Variants in GPR55 observed in about 807,000 individuals in gnomAD.
The protein encoded by GPR55 is G protein-coupled receptor 55.
A neutral mutation model predicts 7.9 loss-of-function variants in GPR55; 6 were observed. The ratio of observed to expected loss-of-function variants is 0.76; its 90% CI spans 0.41 to 1.49. GPR55 has a LOEUF of 1.49. Among genes scored for constraint, GPR55 ranks in the 40% most tolerant of loss-of-function variants. GPR55 has a pLI of 0.01. For missense variants in GPR55, 376 were observed against 406.0 expected, an observed-to-expected ratio of 0.93 and a Z score of 0.63; for synonymous variants, 183 against 166.8, an observed-to-expected ratio of 1.10 and a Z score of -0.75.
At chr2:230,913,180 G>A (rs1266821800) in intron 1 of GPR55, among the ~76,000 whole-genome samples, 1 of 152,128 alleles carries the variant, frequency 6.6e-6, no homozygotes, top group Non-Finnish European at 1.5e-5. Flanking sequence ...TAGGTTTCCA[G>A]TATTTTACCA....
chr2:230,935,583 C>T (rs1691120403), intron 1 of GPR55, among the ~76,000 whole-genome samples: 1 of 152,192 alleles, frequency 6.6e-6, no homozygotes, highest in East Asian at 1.9e-4. Context: ...ACACACAACA[C>T]ACCCAGAGAT....
Position 230,924,807 on chromosome 2 carries a change from G to A in GPR55, c.-135+361C>T, listed in dbSNP as rs1379507831. 3.3e-5 allele frequency among the ~76,000 whole-genome samples: 5 copies of A among 152,106 alleles called. No individual in the cohort carries two copies. Among genetic ancestry groups the A allele is most frequent in the Admixed American group, 6.5e-5 (1 of 15,276 alleles). On this transcript the variant is annotated intron_variant, in intron 1 of 1. Coordinates refer to ENST00000650999, the MANE Select transcript of GPR55 (RefSeq NM_005683.4). This position sits in a 1 kb window ranked among gnomAD's most constrained non-coding sequence, Gnocchi z 4.5. ...ATGGGCGGCGGGCTTGGTGGAGGGC[G>A]GTGGCACGTGAGCTACATGCCCCGG...
chr2:230,954,540 G>A (rs946903426), intron 1 of GPR55, among the ~76,000 whole-genome samples: 1 of 152,106 alleles, frequency 6.6e-6, no homozygotes, highest in African/African-American at 2.4e-5. Flanking sequence ...TTTGATATAG[G>A]CATACAATGT....
intron 1 of GPR55, among the ~76,000 whole-genome samples, chr2:230,936,866 G>A (rs1425494678): frequency 6.6e-6 from 1 of 152,172 alleles, no homozygotes; most frequent in Non-Finnish European, 1.5e-5. Context: ...TTTGGCTGGA[G>A]GCTAAGGGGA....
At chr2:230,927,763 G>A (rs1362862540), upstream of GPR55, among the ~76,000 whole-genome samples, 1 of 152,246 alleles carries the variant, frequency 6.6e-6, no homozygotes, top group Non-Finnish European at 1.5e-5. Flanking sequence ...TTATCAAAGA[G>A]CGGGTCCAGG....
chr2:230,926,006 T>G (rs1337685900), upstream of GPR55, among the ~76,000 whole-genome samples: 2 of 152,178 alleles, frequency 1.3e-5, no homozygotes, highest in African/African-American at 4.8e-5. Flanking sequence ...AAGTCTGGGC[T>G]GAAACTACCC....
chr2:230,947,891 C>T (rs112376101), intron 1 of GPR55, among the ~76,000 whole-genome samples: 3 of 152,194 alleles, frequency 2.0e-5, no homozygotes, highest in Non-Finnish European at 2.9e-5. Context: ...CCAGCTACAG[C>T]GAGGCTTCCT....
intron 1 of GPR55, among the ~76,000 whole-genome samples, chr2:230,950,776 C>G (rs1358767791): frequency 6.6e-6 from 1 of 152,094 alleles, no homozygotes; most frequent in African/African-American, 2.4e-5. Flanking sequence ...TTCTCCAGCT[C>G]TCCTTTCACC....
intron 1 of GPR55, among the ~76,000 whole-genome samples, chr2:230,942,060 T>G (rs1199533540): frequency 6.6e-6 from 1 of 152,182 alleles, no homozygotes; most frequent in Non-Finnish European, 1.5e-5. Context: ...GGGGCTATAC[T>G]GGGCCTTTTC....
chr2:230,951,074 TGTGA>T (rs1691395548), intron 1 of GPR55, among the ~76,000 whole-genome samples: 1 of 152,198 alleles, frequency 6.6e-6, no homozygotes. Flanking sequence ...CCCTGAGTTC[TGTGA>T]GTCACTCCAG....
chr2:230,935,151 A>G (rs1366128901), intron 1 of GPR55, among the ~76,000 whole-genome samples: 7 of 152,174 alleles, frequency 4.6e-5, no homozygotes, highest in Non-Finnish European at 1.5e-5. Context: ...TCGTGACCAC[A>G]TTTCCAAGAG....
chr2:230,918,761 A>G (rs1690770958), intron 1 of GPR55, among the ~76,000 whole-genome samples: 1 of 152,206 alleles, frequency 6.6e-6, no homozygotes, highest in Non-Finnish European at 1.5e-5. Flanking sequence ...TAGGAAATCA[A>G]TTAATGTTTT....
intron 1 of GPR55, among the ~76,000 whole-genome samples, chr2:230,949,794 G>T (rs1691371747): frequency 6.6e-6 from 1 of 152,014 alleles, no homozygotes; most frequent in African/African-American, 2.4e-5. Flanking sequence ...GCATCACAGA[G>T]ATCTGTGGAA....
upstream of GPR55, among the ~76,000 whole-genome samples, chr2:230,925,907 C>G (rs538485570): frequency 1.3e-5 from 2 of 152,176 alleles, no homozygotes; most frequent in African/African-American, 4.8e-5. Flanking sequence ...CCTGGCATCT[C>G]CCACCTTCAG....
At chr2:230,947,675 T>C (rs927323439) in intron 1 of GPR55, among the ~76,000 whole-genome samples, 6 of 151,978 alleles carry the variant, frequency 3.9e-5, no homozygotes, top group African/African-American at 1.5e-4. Context: ...GGCTAATTTT[T>C]AACTTTTGTA....
chr2:230,952,910 C>T (rs1319335765), intron 1 of GPR55, among the ~76,000 whole-genome samples: 3 of 152,212 alleles, frequency 2.0e-5, no homozygotes, highest in African/African-American at 4.8e-5. Context: ...TCCTCTGCTC[C>T]GCCATTTGCC....
intron 1 of GPR55, among the ~76,000 whole-genome samples, chr2:230,914,973 A>C (rs981970677): frequency 1.3e-5 from 2 of 152,288 alleles, no homozygotes; most frequent in Admixed American, 6.5e-5. Context: ...AGGAACAACA[A>C]GGTGGGAAGG....
chr2:230,960,204 C>G (rs1192661018), intron 1 of GPR55, among the ~76,000 whole-genome samples: 1 of 152,232 alleles, frequency 6.6e-6, no homozygotes, highest in East Asian at 1.9e-4. Context: ...TCAGGGAAGG[C>G]TGAGCCTTGG....
intron 1 of GPR55, among the ~76,000 whole-genome samples, chr2:230,935,961 T>C (rs1364912454): frequency 6.6e-6 from 1 of 152,220 alleles, no homozygotes; most frequent in East Asian, 1.9e-4. Flanking sequence ...TTGTATATAC[T>C]GAGGAGTCAT....
Sources: gnomAD v4.1 joint callset for allele counts (sites outside exome capture counted in the v4.1 genomes callset) on GRCh38, gnomAD v4.1.1 for gene constraint, Gnocchi (gnomAD v3.1) non-coding constraint, MANE v1.5 for transcripts, NCBI Gene and HGNC (gene_info 2026-07-23, HGNC 2026-07-21) for gene names.